IBTK: variants seen among roughly 807,000 people sequenced by gnomAD.
The protein encoded by IBTK is inhibitor of Bruton tyrosine kinase, also known as BTK-binding protein.
A neutral mutation model predicts 154.9 loss-of-function variants in IBTK; 83 were observed. The observed-to-expected ratio is 0.54, with a 90% CI of 0.45 to 0.64. The LOEUF is 0.64. Ranked by LOEUF, IBTK falls within the 30% of genes least tolerant of loss-of-function variation. The pLI is 0.00. For missense variants in IBTK, 1,332 were observed against 1,584.6 expected (o/e 0.84, Z 2.71); for synonymous variants, 515 against 536.1 (o/e 0.96, Z 0.54).
intron 1 of IBTK, among the ~76,000 whole-genome samples, chr6:82,241,440 A>AGG (rs1201896892): frequency 3.9e-5 from 6 of 152,218 alleles, no homozygotes; most frequent in Non-Finnish European, 7.4e-5. Context: ...TCTGCCTGAA[A>AGG]AGTCCTTCAT....
chr6:82,184,010 A>G (rs1172476041), intron 25 of IBTK, among the ~76,000 whole-genome samples: 8 of 152,242 alleles, frequency 5.3e-5, no homozygotes. Flanking sequence ...GCCAATAAAT[A>G]TCTGTTCATT....
intron 24 of IBTK, 73 bp from the exon 25 acceptor site, chr6:82,191,289 G>C (rs746584100): frequency 1.2e-5 from 14 of 1,179,894 alleles, no homozygotes; most frequent in Non-Finnish European, 1.6e-5. Flanking sequence ...CATTTTGCTA[G>C]AAATTATATC....
rs1769148344 is a variant in IBTK, at chr6:82,200,170, G to A, written c.2996C>T (p.Ser999Leu). The change falls in exon 21 of 29, where the codon TCA becomes TTA. Residue 999 changes from serine to leucine, a missense_variant. Ser to Leu is a moderately radical substitution (Grantham distance 145). Coordinates refer to ENST00000306270, the MANE Select transcript of IBTK (RefSeq NM_015525.4). ...AGATGATGGACTCTGAATAATATCT[G>A]AAAGGTTATAACCTCCAGAACTATC... ...RSDSSGGYNL[S>L]DIIQSPSSTG... The A allele has an allele frequency of 6.2e-7, 1 of 1,611,398 alleles. No homozygotes were observed. Among genetic ancestry groups the A allele is most frequent in the African/African-American group, 1.3e-5 (1 of 74,884 alleles).
At chr6:82,181,670 G>T (rs1164290839) in intron 26 of IBTK, among the ~76,000 whole-genome samples, 1 of 146,526 alleles carries the variant, frequency 6.8e-6, no homozygotes, top group Non-Finnish European at 1.5e-5. Context: ...TTAAATATAC[G>T]CAATTGATTT....
chr6:82,214,435 A>G lies in IBTK; in HGVS notation c.1996T>C (p.Ser666Pro), dbSNP rs1350847404. 2 of 1,614,032 alleles carry G rather than the reference A, an allele frequency of 1.2e-6. No homozygotes were observed. Among genetic ancestry groups the G allele is most frequent in the Non-Finnish European group, 1.7e-6 (2 of 1,179,962 alleles). Residue 666 changes from serine (S) to proline (P), a missense_variant, in exon 12 of 29, where the codon TCT becomes CCT. Physicochemically the swap from Ser to Pro is moderately conservative, Grantham distance 74. Around this residue, in one of 3 missense-constraint regions of IBTK, gnomAD observed 1,134 missense variants for 1,274.7 expected, o/e 0.89. Coordinates refer to ENST00000306270, the MANE Select transcript of IBTK (RefSeq NM_015525.4). Reference protein sequence around the residue: ...NPEEYQGTLNSHLNKVNFHED... With the variant: ...NPEEYQGTLNPHLNKVNFHED... ...TGGAAATTCACTTTATTCAAATGAG[A>G]ATTCAGAGTTCCCTGATATTCTTCT... is the stretch of plus-strand genomic sequence containing the variant.
intron 12 of IBTK, among the ~76,000 whole-genome samples, chr6:82,213,066 T>C (rs557098502): frequency 1.3e-5 from 2 of 152,158 alleles, no homozygotes; most frequent in Admixed American, 1.3e-4. Context: ...CTCGCTCTGT[T>C]GCCCAGGCTA....
Position 82,227,224 on chromosome 6 carries a change from G to A in IBTK, c.622C>T (p.Arg208Ter). The change falls in exon 5 of 29, where the codon CGA (arginine) becomes TGA (stop). Residue 208 changes from arginine (R) to a stop codon, truncating the protein, a stop_gained. Coordinates refer to ENST00000306270, the MANE Select transcript of IBTK (RefSeq NM_015525.4). LOFTEE classifies it high-confidence loss of function. The part of the protein sequence containing the change: ...VYTCGHGPGG[R>*]LGHGDEQTCL... ...GTCTGTTCATCTCCATGTCCTAATC[G>A]CCCTCCAGGACCATGACCACAGGTA... The A allele has an allele frequency of 2.5e-6, 4 of 1,611,760 alleles. No homozygotes were observed. Among genetic ancestry groups the A allele is most frequent in the Non-Finnish European group, 3.4e-6 (4 of 1,178,624 alleles).
chr6:82,227,999 C>A (rs1185976415), intron 4 of IBTK, among the ~76,000 whole-genome samples: 1 of 151,998 alleles, frequency 6.6e-6, no homozygotes, highest in East Asian at 1.9e-4. Flanking sequence ...AACAGTTGAA[C>A]TGCCTCAGCA....
intron 26 of IBTK, among the ~76,000 whole-genome samples, chr6:82,180,297 G>C (rs755743628): frequency 1.1e-4 from 17 of 152,050 alleles, no homozygotes; most frequent in Non-Finnish European, 2.4e-4. Flanking sequence ...TCAGGCTGGA[G>C]TGCAGTGGCA....
In IBTK at chr6:82,223,745, G is replaced by A. The variant is rs113356978; in HGVS notation, c.944-125C>T. ...AGGCCAAGGTGGGCAGATCCCTTGA[G>A]CCCTGGAGCTCGAGACCAGCCTGTG... On this transcript the variant is annotated intron_variant, in intron 7 of 28. Coordinates refer to ENST00000306270, the MANE Select transcript of IBTK (RefSeq NM_015525.4). 2,067 of 733,476 alleles carry A rather than the reference G, an allele frequency of 2.8e-3. 4 individuals carry two copies. The highest frequency in any genetic ancestry group is 3.5e-3 in the Non-Finnish European group (1,598 of 455,300). 45.4% of individuals were successfully genotyped at this position (733,476 alleles called of 1,614,324 possible).
intron 10 of IBTK, among the ~76,000 whole-genome samples, chr6:82,217,110 A>G (rs1769902230): frequency 1.3e-5 from 2 of 152,170 alleles, no homozygotes; most frequent in South Asian, 4.1e-4. Flanking sequence ...TTGATGACTG[A>G]TTAATTCTAG....
chr6:82,205,190 A>G, intron 16 of IBTK: 1 of 294,086 alleles, frequency 3.4e-6, no homozygotes, highest in Non-Finnish European at 6.2e-6. Flanking sequence ...GAAAGCTGAC[A>G]AAATTACACC....
rs780889890 is a variant in IBTK, at chr6:82,246,441, C to CTCTTTTTT, written c.-358+1120_-358+1121insAAAAAAGA. Among the ~76,000 whole-genome samples, 25 of 111,680 alleles carry CTCTTTTTT rather than the reference C, an allele frequency of 2.2e-4. 1 individual carries two copies. Among genetic ancestry groups the CTCTTTTTT allele is most frequent in the South Asian group, 5.9e-4 (2 of 3,374 alleles). The allele number at this position is 111,680 out of a possible 152,430, so 73.3% of individuals were successfully genotyped here. A position where few individuals can be genotyped will look rare whatever the true frequency, so the allele number is the denominator to read the frequency against. ...CCCAGACTGCTGGGATTACAGGCAT[C>CTCTTTTTT]TTTTTTTTTTTTTTTTTTTTTGAGA... is the stretch of plus-strand genomic sequence containing the variant. On this transcript the variant is annotated intron_variant, in intron 1 of 28. Transcript: ENST00000306270.
At chr6:82,176,948 G>A (rs1243811935) in intron 26 of IBTK, among the ~76,000 whole-genome samples, 2 of 152,016 alleles carry the variant, frequency 1.3e-5, no homozygotes, top group South Asian at 2.1e-4. Flanking sequence ...ACAATGAAAG[G>A]AATCAAGAAT....
intron 26 of IBTK, among the ~76,000 whole-genome samples, chr6:82,177,002 T>C (rs1271707123): frequency 1.3e-5 from 2 of 150,828 alleles, no homozygotes; most frequent in African/African-American, 5.0e-5. Flanking sequence ...TGCTTATAAA[T>C]ATAATAATAA....
intron 4 of IBTK, 100 bp downstream of exon 4, chr6:82,231,618 A>T (rs1002435504): frequency 1.3e-6 from 1 of 796,038 alleles, no homozygotes; most frequent in African/African-American, 1.7e-5. Flanking sequence ...ATGTTACTGT[A>T]CCTGAAACAA....
intron 26 of IBTK, among the ~76,000 whole-genome samples, chr6:82,179,180 T>G (rs1284117022): frequency 6.6e-6 from 1 of 152,120 alleles, no homozygotes; most frequent in Non-Finnish European, 1.5e-5. Flanking sequence ...ATTTAAGAGA[T>G]AAAAGTGGAA....
At chr6:82,237,694 A>AGTAGTAGTG (rs1355526614) in intron 2 of IBTK, among the ~76,000 whole-genome samples, 1 of 146,280 alleles carries the variant, frequency 6.8e-6, no homozygotes, top group Non-Finnish European at 1.5e-5. Context: ...TAGTAGTAGT[A>AGTAGTAGTG]GCAGTAATAG....
chr6:82,197,393 C>CA (rs1769037197), intron 21 of IBTK, among the ~76,000 whole-genome samples: 1 of 83,598 alleles, frequency 1.2e-5, no homozygotes, highest in South Asian at 3.8e-4. Context: ...TTTTTTGAGA[C>CA]AGAGTCTTAC....
Sources: allele counts gnomAD v4.1 joint callset (sites outside exome capture counted in the v4.1 genomes callset), GRCh38; gene constraint gnomAD v4.1.1; regional missense constraint gnomAD v4.1.1; transcripts MANE v1.5; gene names NCBI Gene and HGNC (gene_info 2026-07-23, HGNC 2026-07-21).